COL4A2: variants seen among roughly 807,000 people sequenced by gnomAD.
COL4A2 encodes the protein collagen alpha-2(IV) chain.
A neutral mutation model predicts 200.2 loss-of-function variants in COL4A2; 99 were observed. The ratio of observed to expected loss-of-function variants is 0.49; its 90% confidence interval spans 0.42 to 0.58. The LOEUF is 0.58. COL4A2 is among the 20% of genes least tolerant of loss of function. COL4A2 has a pLI of 0.00. For synonymous variants in COL4A2, 897 were observed against 900.6 expected (o/e 1.00, Z 0.07); for missense variants, 1,950 against 2,314.1 (o/e 0.84, Z 3.23).
intron 3 of COL4A2, among the ~76,000 whole-genome samples, chr13:110,315,742 G>T (rs1885114607): frequency 6.6e-6 from 1 of 152,172 alleles, no homozygotes; most frequent in South Asian, 2.1e-4. Context: ...AGCTGACATT[G>T]CTGTTCCCAC....
intron 39 of COL4A2, among the ~76,000 whole-genome samples, chr13:110,493,709 G>A (rs1883361353): frequency 6.6e-6 from 1 of 152,150 alleles, no homozygotes; most frequent in Admixed American, 6.5e-5. Flanking sequence ...TTCTGATGCT[G>A]GAGACAGTGA....
At chr13:110,492,249 G>T in intron 38 of COL4A2, 72 bp downstream of exon 38, 1 of 1,363,194 alleles carries the variant, frequency 7.3e-7, no homozygotes, top group Non-Finnish European at 1.0e-6. Flanking sequence ...CGCTGAGCAG[G>T]CCAGCCTCTC....
At chr13:110,466,218 A>G (rs1882234477) in intron 26 of COL4A2, among the ~76,000 whole-genome samples, 156 bp downstream of exon 26, 1 of 152,230 alleles carries the variant, frequency 6.6e-6, no homozygotes, top group Non-Finnish European at 1.5e-5. Context: ...GGTGAGCACT[A>G]TACATTGCAT....
At chr13:110,435,022 C>T (rs1003324558) in intron 12 of COL4A2, among the ~76,000 whole-genome samples, 1 of 152,228 alleles carries the variant, frequency 6.6e-6, no homozygotes, top group Non-Finnish European at 1.5e-5. Flanking sequence ...TTGCGTTCAC[C>T]ACAAAAGCCA....
At chr13:110,511,726 G>T (rs1267245361) in intron 47 of COL4A2, among the ~76,000 whole-genome samples, 1 of 150,666 alleles carries the variant, frequency 6.6e-6, no homozygotes, top group Non-Finnish European at 1.5e-5. Context: ...ACGTCCTGGT[G>T]CCTGGGGCTG....
chr13:110,362,505 G>A (rs772096996), intron 4 of COL4A2, among the ~76,000 whole-genome samples: 10 of 151,012 alleles, frequency 6.6e-5, no homozygotes, highest in Non-Finnish European at 1.2e-4. Context: ...TTTTTTTGTG[G>A]AGATGGGATT....
At chr13:110,327,659 T>G (rs1172691110) in intron 3 of COL4A2, among the ~76,000 whole-genome samples, 1 of 152,206 alleles carries the variant, frequency 6.6e-6, no homozygotes, top group Admixed American at 6.5e-5. Flanking sequence ...CAGCTTGTGT[T>G]GTTTTAGGAG....
At chr13:110,461,934 C>T (rs1882041530) in intron 22 of COL4A2, 180 bp from the exon 23 acceptor site, 1 of 838,922 alleles carries the variant, frequency 1.2e-6, no homozygotes, top group African/African-American at 1.7e-5. Context: ...CCAGTGGCCC[C>T]ACACTGGACA....
intron 4 of COL4A2, among the ~76,000 whole-genome samples, chr13:110,419,604 G>A (rs1209078093): frequency 6.6e-6 from 1 of 152,088 alleles, no homozygotes; most frequent in Non-Finnish European, 1.5e-5. Flanking sequence ...CGGGAGTGTC[G>A]GGACCCTGAG....
At chr13:110,474,357 C>T (rs1882595781) in intron 29 of COL4A2, among the ~76,000 whole-genome samples, 1 of 152,164 alleles carries the variant, frequency 6.6e-6, no homozygotes, top group Non-Finnish European at 1.5e-5. Context: ...CCATGAAGCT[C>T]AGGAGCATGA....
At chr13:110,425,768 GGAGA>G (rs1373623093) in intron 6 of COL4A2, among the ~76,000 whole-genome samples, 2 of 152,206 alleles carry the variant, frequency 1.3e-5, no homozygotes, top group Non-Finnish European at 2.9e-5. Flanking sequence ...ACACGCACAG[GGAGA>G]GAGACTCCAT....
At chr13:110,475,838 G>A (rs918680473) in intron 29 of COL4A2, among the ~76,000 whole-genome samples, 11 of 152,244 alleles carry the variant, frequency 7.2e-5, no homozygotes, top group African/African-American at 2.7e-4. Flanking sequence ...TTTCACTGAG[G>A]GAGGCTGATT....
intron 4 of COL4A2, among the ~76,000 whole-genome samples, chr13:110,367,670 A>T (rs2139398324): frequency 6.6e-6 from 1 of 152,388 alleles, no homozygotes; most frequent in South Asian, 2.1e-4. Context: ...GTTTGGTGAA[A>T]GGAATATTGC....
At chr13:110,503,577 GGC>G in intron 43 of COL4A2, 96 bp downstream of exon 43, 4 of 784,368 alleles carry the variant, frequency 5.1e-6, no homozygotes, top group Non-Finnish European at 8.2e-6. Context: ...GATCCTCTCT[GGC>G]ATGGGTCACA....
chr13:110,415,143 G>A (rs1208211238), intron 4 of COL4A2, among the ~76,000 whole-genome samples: 1 of 152,146 alleles, frequency 6.6e-6, no homozygotes, highest in Non-Finnish European at 1.5e-5. Flanking sequence ...TAACAAAGGG[G>A]CAACACCCAG....
chr13:110,438,816 A>C (rs1881012275), intron 15 of COL4A2, 148 bp downstream of exon 15: 8 of 596,368 alleles, frequency 1.3e-5, no homozygotes, highest in African/African-American at 6.4e-5. Flanking sequence ...CCCCCCACAC[A>C]CACACACAGC....
At chr13:110,354,131 C>T (rs979066720) in intron 3 of COL4A2, among the ~76,000 whole-genome samples, 7 of 152,240 alleles carry the variant, frequency 4.6e-5, no homozygotes, top group Non-Finnish European at 1.0e-4. Flanking sequence ...GCTTTAAAAT[C>T]AAAATTAAAA....
In COL4A2 at chr13:110,484,920, C is replaced by A; in HGVS notation, c.2918C>A (p.Pro973His). ...EPGFKGSRGD[P>H]GPPGPPPVIL... ...TCCCTTCCAGGCAGCCGAGGGGACC[C>A]TGGGCCCCCAGGACCACCTCCTGTC... Residue 973 changes from proline (P) to histidine (H), a missense_variant, in exon 33 of 48, where the codon CCT becomes CAT. Around this residue, in one of 2 missense-constraint regions of COL4A2, gnomAD observed 1,385 missense variants for 1,720.5 expected, o/e 0.80. Coordinates refer to ENST00000360467, the MANE Select transcript of COL4A2 (RefSeq NM_001846.4). The A allele has an allele frequency of 6.2e-7, 1 of 1,611,808 alleles. No individual in the cohort carries two copies. Among genetic ancestry groups the A allele is most frequent in the Non-Finnish European group, 8.5e-7 (1 of 1,178,538 alleles).
intron 3 of COL4A2, among the ~76,000 whole-genome samples, chr13:110,321,013 T>C (rs1258191546): frequency 6.6e-6 from 1 of 152,224 alleles, no homozygotes; most frequent in Non-Finnish European, 1.5e-5. Flanking sequence ...AAATATTTCA[T>C]GTGTTTAAAA....
Sources: gnomAD v4.1 joint callset for allele counts (sites outside exome capture counted in the v4.1 genomes callset) on GRCh38, gnomAD v4.1.1 for gene constraint, gnomAD v4.1.1 regional missense constraint, MANE v1.5 for transcripts, NCBI Gene and HGNC (gene_info 2026-07-23, HGNC 2026-07-21) for gene names.